The following PSD4 variants were observed in gnomAD, a reference collection of about 807,000 sequenced individuals.
PSD4 encodes pleckstrin and Sec7 domain containing 4, also known as PH and SEC7 domain-containing protein 4.
A neutral mutation model predicts 112.5 loss-of-function variants in PSD4; 59 were observed. That is an observed-to-expected ratio of 0.52 (90% confidence interval 0.43 to 0.65). PSD4 has a LOEUF of 0.65. Ranked by LOEUF, PSD4 falls within the 30% of genes least tolerant of loss-of-function variation. The pLI is 0.00. For missense variants in PSD4, 1,267 were observed against 1,352.6 expected, an observed-to-expected ratio of 0.94 and a Z score of 0.99; for synonymous variants, 533 against 540.0, an observed-to-expected ratio of 0.99 and a Z score of 0.18.
intron 12 of PSD4, chr2:113,197,143 AGCT>A: frequency 3.6e-6 from 1 of 275,660 alleles, no homozygotes; most frequent in East Asian, 1.1e-4. Context: ...GGCACCCCAA[AGCT>A]GGGCTCTGCG....
At chr2:113,180,507 G>A (rs1344701866) in intron 1 of PSD4, among the ~76,000 whole-genome samples, 1 of 152,178 alleles carries the variant, frequency 6.6e-6, no homozygotes, top group Non-Finnish European at 1.5e-5. Context: ...TGGAGCCCTG[G>A]ACGAGGCCAC....
Position 113,189,245 on chromosome 2 carries a change from C to T in PSD4, c.1628+2990C>T, listed in dbSNP as rs543025260. ...TGCTGTGAGTGCCATTAATTCATTCCTTTTTATGGCTAAGTAGTATTGAAT... is the reference window on the plus strand; with the variant it reads ...TGCTGTGAGTGCCATTAATTCATTCTTTTTTATGGCTAAGTAGTATTGAAT... On this transcript the variant is annotated intron_variant, in intron 5 of 16. Coordinates refer to ENST00000245796, the MANE Select transcript of PSD4 (RefSeq NM_012455.3). Among the ~76,000 whole-genome samples, 12 of 151,498 alleles carry T rather than the reference C, an allele frequency of 7.9e-5. No homozygotes were observed. The South Asian group carries it at 2.1e-3, about 26-fold the overall frequency.
intron 10 of PSD4, among the ~76,000 whole-genome samples, chr2:113,195,055 G>A (rs960445671): frequency 1.3e-5 from 2 of 152,160 alleles, no homozygotes; most frequent in Non-Finnish European, 2.9e-5. Flanking sequence ...TTCTCCATCA[G>A]ATCCCTCCCA....
Position 113,204,963 on chromosome 2 carries a change from C to T in PSD4, c.*3548C>T. On this transcript the variant is annotated 3_prime_UTR_variant, in exon 17 of 17. Coordinates refer to ENST00000245796, the MANE Select transcript of PSD4 (RefSeq NM_012455.3). ...AGGAGAGTGGCTTTTTGTGAATGTGCAGTGCAACTTTTTTTTTTTTTTGAG... is the reference window on the plus strand; with the variant it reads ...AGGAGAGTGGCTTTTTGTGAATGTGTAGTGCAACTTTTTTTTTTTTTTGAG... 6.6e-6 allele frequency: 1 copy of T among 151,706 alleles called. No individual in the cohort carries two copies. Among genetic ancestry groups the T allele is most frequent in the Non-Finnish European group, 1.5e-5 (1 of 68,174 alleles). 9.4% of individuals were successfully genotyped at this position (151,706 alleles called of 1,614,324 possible). A position where few individuals can be genotyped will look rare whatever the true frequency, so the allele number is the denominator to read the frequency against.
chr2:113,180,027 C>A (rs1688086047), intron 1 of PSD4, among the ~76,000 whole-genome samples: 1 of 152,198 alleles, frequency 6.6e-6, no homozygotes, highest in Non-Finnish European at 1.5e-5. Flanking sequence ...AAAAAGGATA[C>A]TTTCAAGGTG....
chr2:113,176,827 G>A (rs1259060621), intron 1 of PSD4, among the ~76,000 whole-genome samples: 2 of 152,200 alleles, frequency 1.3e-5, no homozygotes, highest in Non-Finnish European at 2.9e-5. Flanking sequence ...CCTAGAGGGT[G>A]CCATCCTACC....
intron 1 of PSD4, among the ~76,000 whole-genome samples, chr2:113,179,113 T>C (rs867845271): frequency 2.0e-5 from 3 of 152,264 alleles, no homozygotes; most frequent in African/African-American, 7.2e-5. Context: ...ACTCGGTTGC[T>C]CTCCACCAGG....
chr2:113,201,113 C>G (rs1185625377), intron 16 of PSD4, 45 bp from the exon 17 acceptor site: 2 of 1,561,240 alleles, frequency 1.3e-6, no homozygotes, highest in Non-Finnish European at 1.7e-6. Context: ...TCCTCCCAAC[C>G]TGGAGCCAGG....
chr2:113,188,204 A>G (rs573655933), intron 5 of PSD4, among the ~76,000 whole-genome samples: 24 of 152,324 alleles, frequency 1.6e-4, no homozygotes, highest in South Asian at 6.2e-4. Flanking sequence ...TGAAAAAAAA[A>G]AGTATGCAAA....
Position 113,193,070 on chromosome 2 carries a change from G to A in PSD4, c.1861G>A (p.Ala621Thr), listed in dbSNP as rs1435549132. The change falls in exon 7 of 17, where the codon GCT (alanine) becomes ACT (threonine). Residue 621 changes from alanine to threonine, a missense_variant. Physicochemically the swap from Ala to Thr is moderately conservative, Grantham distance 58. Coordinates refer to ENST00000245796, the MANE Select transcript of PSD4 (RefSeq NM_012455.3). The part of the protein sequence containing the change: ...QKNNDFSRAV[A>T]EEYLSFFQFG... ...CAGCAATGACTTTAGCAGGGCTGTG[G>A]CTGAGGAGTACCTGTCCTTCTTCCA... 3.1e-6 allele frequency: 5 copies of A among 1,614,194 alleles called. No homozygotes were observed. In the Admixed American group the frequency reaches 6.7e-5, roughly 22 times the overall value.
In PSD4 at chr2:113,182,597, G is replaced by A. The variant is rs367943510; in HGVS notation, c.141G>A (p.Glu47=). ...ATGAGGATCCACCGGAGCCTTTCGAGGAGCAAACCTGGGCCACTGACCCTC... is the reference window on the plus strand; with the variant it reads ...ATGAGGATCCACCGGAGCCTTTCGAAGAGCAAACCTGGGCCACTGACCCTC... ...CSHEDPPEPF[E]EQTWATDPPE... The change falls in exon 2 of 17, where the codon GAG becomes GAA. Residue 47 remains glutamate, a synonymous_variant. Coordinates refer to ENST00000245796, the MANE Select transcript of PSD4 (RefSeq NM_012455.3). The A allele has an allele frequency of 1.8e-4, 284 of 1,614,128 alleles. 2 individuals carry two copies. The South Asian group carries it at 2.9e-3, about 17-fold the overall frequency.
Position 113,185,427 on chromosome 2 carries a change from C to G in PSD4, c.1236C>G (p.Asn412Lys). 6.2e-7 allele frequency: 1 copy of G among 1,614,210 alleles called. No homozygotes were observed. The highest frequency in any genetic ancestry group is 8.5e-7 in the Non-Finnish European group (1 of 1,180,040). Residue 412 changes from asparagine (N) to lysine (K), a missense_variant, in exon 4 of 17, where the codon AAC becomes AAG. Transcript: ENST00000245796. ...GGPFWPQVTL[N>K]SQDRDEREGG... ...CTTTTTGGCCCCAGGTGACTCTTAA[C>G]TCCCAGGACAGAGGTGAGCCCTAAT...
chr2:113,195,717 T>C lies in PSD4; in HGVS notation c.2182-10T>C, dbSNP rs1688588243. The C allele has an allele frequency of 1.9e-6, 3 of 1,614,128 alleles. No individual in the cohort carries two copies. Among genetic ancestry groups the C allele is most frequent in the Non-Finnish European group, 2.5e-6 (3 of 1,180,000 alleles). On this transcript the variant is annotated splice_polypyrimidine_tract_variant and intron_variant, in intron 10 of 16. Transcript: ENST00000245796. ...AGGCTCCCCTGCCCACCTGTGTGCT[T>C]CTGTTCCAGGCCCTCTACTGGTCTA...
intron 1 of PSD4, among the ~76,000 whole-genome samples, chr2:113,175,062 C>T (rs917539908): frequency 6.6e-6 from 1 of 152,128 alleles, no homozygotes; most frequent in Non-Finnish European, 1.5e-5. Context: ...GGGATCAGAA[C>T]ACAGGCTGCT....
rs1688782009 is a variant in PSD4, at chr2:113,201,644, T to C, written c.*229T>C. On this transcript the variant is annotated 3_prime_UTR_variant, in exon 17 of 17. Coordinates refer to ENST00000245796, the MANE Select transcript of PSD4 (RefSeq NM_012455.3). ...CATGGCAGTCCCTCCGCAGCCCCAG[T>C]CCCTGGCCACGCCCAAGGGAAGAGG... The C allele has an allele frequency of 6.6e-6, 4 of 607,774 alleles. No homozygotes were observed. The highest frequency in any genetic ancestry group is 4.3e-4 in the Middle Eastern group (1 of 2,300). 37.6% of individuals were successfully genotyped at this position (607,774 alleles called of 1,614,324 possible). A position where few individuals can be genotyped will look rare whatever the true frequency, so the allele number is the denominator to read the frequency against.
chr2:113,197,110 T>TCAG (rs1558656061), intron 12 of PSD4: 6 of 227,038 alleles, frequency 2.6e-5, no homozygotes, highest in African/African-American at 1.4e-4. Context: ...CAGGTGGTGC[T>TCAG]CAGAGTGGGG....
chr2:113,186,503 G>T (rs1405387525), intron 5 of PSD4, among the ~76,000 whole-genome samples: 2 of 152,248 alleles, frequency 1.3e-5, no homozygotes, highest in South Asian at 2.1e-4. Context: ...CAGGGCTTCA[G>T]AAGAAGCATC....
At position 113,183,113 on chromosome 2, in the gene PSD4, G is replaced by A. The variant is rs1364889412; in HGVS notation, c.657G>A (p.Glu219=). The A allele has an allele frequency of 2.5e-6, 4 of 1,613,896 alleles. No individual in the cohort carries two copies. The Admixed American group carries it at 6.7e-5, about 27-fold the overall frequency. Reference sequence around the variant, plus strand: ...CAGGGGAAGACAGCAGTGAGCCTGAGGGAGAGGGCCAGGCATGGCTGAGAG... The same window carrying A: ...CAGGGGAAGACAGCAGTGAGCCTGAAGGAGAGGGCCAGGCATGGCTGAGAG... ...EDSGEDSSEP[E]GEGQAWLREG... is the part of the protein sequence containing the mutation. Residue 219 remains glutamate, a synonymous_variant, in exon 2 of 17, where the codon GAG becomes GAA. Coordinates refer to ENST00000245796, the MANE Select transcript of PSD4 (RefSeq NM_012455.3).
chr2:113,182,462 G>C lies in PSD4; in HGVS notation c.6G>C (p.Met2Ile). 1 of 1,606,118 alleles carries C rather than the reference G, an allele frequency of 6.2e-7. No individual in the cohort carries two copies. The highest frequency in any genetic ancestry group is 8.5e-7 in the Non-Finnish European group (1 of 1,174,718). ...GGGCAGCTTTTGCTCAGTGGATGAT[G>C]GGTGACTACAGACTCCCTGACCACC... M[M>I]GDYRLPDHPQ... Residue 2 changes from methionine (M) to isoleucine (I), a missense_variant, in exon 2 of 17, where the codon ATG becomes ATC. Met to Ile is a conservative substitution (Grantham distance 10). Around this residue, in one of 2 missense-constraint regions of PSD4, gnomAD observed 723 missense variants for 704.0 expected, o/e 1.03. Coordinates refer to ENST00000245796, the MANE Select transcript of PSD4 (RefSeq NM_012455.3).
Sources: allele counts gnomAD v4.1 joint callset (sites outside exome capture counted in the v4.1 genomes callset), GRCh38; gene constraint gnomAD v4.1.1; regional missense constraint gnomAD v4.1.1; transcripts MANE v1.5; gene names NCBI Gene and HGNC (gene_info 2026-07-23, HGNC 2026-07-21).